PTPRD: variants seen among roughly 807,000 people sequenced by gnomAD.
The protein encoded by PTPRD is receptor-type tyrosine-protein phosphatase delta.
PTPRD carries 34 observed loss-of-function variants against 214.5 expected under a neutral mutation model. The ratio of observed to expected loss-of-function variants is 0.16; its 90% CI spans 0.12 to 0.21. The LOEUF is 0.21. PTPRD is among the 10% of genes least tolerant of loss of function. The probability of loss-of-function intolerance (pLI) is 1.00; values close to 1 mark genes in which losing one functional copy is unlikely to be tolerated. For synonymous variants in PTPRD, 1,128 were observed against 845.7 expected (o/e 1.33, Z -5.79); for missense variants, 2,545 against 2,398.7 (o/e 1.06, Z -1.27).
intron 2 of PTPRD, among the ~76,000 whole-genome samples, chr9:10,544,233 T>C (rs2059739836): frequency 6.6e-6 from 1 of 152,106 alleles, no homozygotes; most frequent in Admixed American, 6.6e-5. Context: ...ATGGTGTCCC[T>C]AGAAATAAAG....
At chr9:9,770,440 A>G (rs1379552134) in intron 5 of PTPRD, among the ~76,000 whole-genome samples, 1 of 152,166 alleles carries the variant, frequency 6.6e-6, no homozygotes, top group Non-Finnish European at 1.5e-5. Context: ...CCATAAGCAA[A>G]ACTAAGATAC....
chr9:8,612,701 G>C (rs566000716), intron 14 of PTPRD, among the ~76,000 whole-genome samples: 1 of 152,216 alleles, frequency 6.6e-6, no homozygotes, highest in Non-Finnish European at 1.5e-5. Flanking sequence ...GTTCACTGAG[G>C]TGAGAAGAGG....
intron 9 of PTPRD, among the ~76,000 whole-genome samples, chr9:9,245,808 G>A (rs1010675905): frequency 1.3e-5 from 2 of 152,000 alleles, no homozygotes; most frequent in African/African-American, 4.8e-5. Flanking sequence ...TTTGTCACAT[G>A]CCCAGGAACG....
At chr9:9,040,585 T>A (rs2154383120) in intron 10 of PTPRD, among the ~76,000 whole-genome samples, 2 of 152,310 alleles carry the variant, frequency 1.3e-5, no homozygotes, top group Middle Eastern at 6.8e-3. Context: ...AAGAATTTTT[T>A]TTTTCATAAC....
intron 3 of PTPRD, among the ~76,000 whole-genome samples, chr9:10,252,310 C>G (rs2092851577): frequency 6.6e-6 from 1 of 152,112 alleles, no homozygotes; most frequent in Non-Finnish European, 1.5e-5. Flanking sequence ...TCATCTCCAT[C>G]TCTATCTCTT....
intron 9 of PTPRD, among the ~76,000 whole-genome samples, chr9:9,306,875 G>C (rs1164962946): frequency 2.0e-5 from 3 of 152,136 alleles, no homozygotes; most frequent in Non-Finnish European, 4.4e-5. Context: ...AAGAGTAATG[G>C]TGTTTGGCAT....
chr9:9,980,436 C>T (rs1309928040), intron 4 of PTPRD, among the ~76,000 whole-genome samples: 3 of 150,442 alleles, frequency 2.0e-5, no homozygotes, highest in African/African-American at 5.0e-5. Context: ...GGTGAAACTC[C>T]GTCTCTACTA....
chr9:9,704,858 C>T (rs912507572), intron 7 of PTPRD, among the ~76,000 whole-genome samples: 5 of 152,172 alleles, frequency 3.3e-5, no homozygotes, highest in African/African-American at 1.2e-4. Context: ...AGTTGAAAAC[C>T]ATCAAGAGAT....
intron 44 of PTPRD, among the ~76,000 whole-genome samples, chr9:8,322,489 A>G (rs1398527459): frequency 1.3e-5 from 2 of 152,200 alleles, no homozygotes; most frequent in Non-Finnish European, 2.9e-5. Flanking sequence ...AATCATTTAC[A>G]ACATTCCCTT....
At chr9:8,633,531 G>C (rs2154321267) in intron 13 of PTPRD, 73 bp from the exon 14 acceptor site, 1 of 1,530,048 alleles carries the variant, frequency 6.5e-7, no homozygotes, top group Non-Finnish European at 8.9e-7. Context: ...TCTCAATACA[G>C]TGGTGGATCC....
At chr9:9,845,266 A>G (rs757908390) in intron 5 of PTPRD, among the ~76,000 whole-genome samples, 7 of 149,446 alleles carry the variant, frequency 4.7e-5, no homozygotes, top group Non-Finnish European at 1.0e-4. Context: ...TTAGAAACCT[A>G]TTTCAGTATT....
At chr9:8,806,330 G>A (rs566080870) in intron 11 of PTPRD, among the ~76,000 whole-genome samples, 25 of 151,412 alleles carry the variant, frequency 1.7e-4, no homozygotes, top group Non-Finnish European at 2.7e-4. Flanking sequence ...CATTTCCAAA[G>A]AGTTATAAAA....
At chr9:10,050,303 T>C (rs2097505434) in intron 3 of PTPRD, among the ~76,000 whole-genome samples, 1 of 151,766 alleles carries the variant, frequency 6.6e-6, no homozygotes, top group Non-Finnish European at 1.5e-5. Flanking sequence ...GCTCACCCTG[T>C]AATCCTAGCA....
At chr9:10,609,537 C>A (rs2080384015) in intron 2 of PTPRD, among the ~76,000 whole-genome samples, 1 of 151,976 alleles carries the variant, frequency 6.6e-6, no homozygotes, top group Non-Finnish European at 1.5e-5. Context: ...TCTGCTAATT[C>A]TTGGATATAA....
chr9:10,027,100 A>G (rs1427196082), intron 4 of PTPRD, among the ~76,000 whole-genome samples: 1 of 152,230 alleles, frequency 6.6e-6, no homozygotes, highest in Non-Finnish European at 1.5e-5. Context: ...CACTCTGGCC[A>G]TTGATAGGAA....
At chr9:9,885,341 G>A (rs2070442043) in intron 5 of PTPRD, among the ~76,000 whole-genome samples, 1 of 151,992 alleles carries the variant, frequency 6.6e-6, no homozygotes, top group African/African-American at 2.4e-5. Flanking sequence ...TAAGATGTAA[G>A]AAAGATTTAA....
rs550399305 is a variant in PTPRD, at chr9:9,787,307, T to C, written c.-367-20456A>G. Among the ~76,000 whole-genome samples the C allele has an allele frequency of 4.6e-5, 7 of 151,558 alleles. No homozygotes were observed. The South Asian group carries it at 1.2e-3, about 27-fold the overall frequency. ...GGTAGAGAGTGCTACCTCACCAAGC[T>C]CAAAATCTTTGTCAGCTTCCAGGTA... On this transcript the variant is annotated intron_variant, in intron 5 of 45. Transcript: ENST00000381196.
rs1051792917 is a variant in PTPRD at position 10,554,152 on chromosome 9, C to G, written c.-600+58246G>C. The stretch of plus-strand genomic sequence containing the variant: ...AATGATGAGACCTTTTAGTGTATAA[C>G]TCAACCCTTTCTGCATGCCGTTAAA... On this transcript the variant is annotated intron_variant, in intron 2 of 45. Transcript: ENST00000381196. Among the ~76,000 whole-genome samples, 2 of 152,274 alleles carry G rather than the reference C, an allele frequency of 1.3e-5. 1 individual carries two copies. Among genetic ancestry groups the G allele is most frequent in the East Asian group, 3.9e-4 (2 of 5,174 alleles).
intron 2 of PTPRD, among the ~76,000 whole-genome samples, chr9:10,412,662 ACACCC>A (rs1565874511): frequency 6.2e-5 from 7 of 113,466 alleles, no homozygotes; most frequent in Non-Finnish European, 1.2e-4. Context: ...ACACACACAC[ACACCC>A]CTTGAAGCCA....
Sources: gnomAD v4.1 joint callset for allele counts (sites outside exome capture counted in the v4.1 genomes callset) on GRCh38, gnomAD v4.1.1 for gene constraint, MANE v1.5 for transcripts, NCBI Gene and HGNC (gene_info 2026-07-23, HGNC 2026-07-21) for gene names.